The following CTDP1 variants were observed in gnomAD, a reference collection of about 807,000 sequenced individuals.
CTDP1 encodes RNA polymerase II subunit A C-terminal domain phosphatase.
CTDP1 carries 47 observed loss-of-function variants against 91.8 expected under a neutral mutation model. The observed-to-expected ratio is 0.51, with a 90% confidence interval of 0.41 to 0.65. The LOEUF is 0.65. Among genes scored for constraint, CTDP1 ranks in the 30% least tolerant of loss-of-function variants. The probability of loss-of-function intolerance (pLI) is 0.00; values close to 1 mark genes in which losing one functional copy is unlikely to be tolerated. For synonymous variants in CTDP1, 656 were observed against 598.5 expected (o/e 1.10, Z -1.40); for missense variants, 1,272 against 1,373.7 (o/e 0.93, Z 1.17).
intron 4 of CTDP1, among the ~76,000 whole-genome samples, chr18:79,699,771 G>A (rs150919753): frequency 4.2e-4 from 64 of 152,300 alleles, no homozygotes; most frequent in African/African-American, 1.5e-3. Context: ...TTCACAGGGA[G>A]GAGGCTCGGA....
At chr18:79,753,539 T>C (rs1474605064) in intron 12 of CTDP1, 113 bp from the exon 13 acceptor site, 5 of 1,528,490 alleles carry the variant, frequency 3.3e-6, no homozygotes, top group Non-Finnish European at 4.5e-6. Context: ...GACCAGAGAA[T>C]TGTGCCGTCT....
At chr18:79,729,131 G>C in intron 11 of CTDP1, 62 bp downstream of exon 11, 3 of 1,602,496 alleles carry the variant, frequency 1.9e-6, no homozygotes, top group Non-Finnish European at 2.6e-6. Context: ...CAGAGCTCTG[G>C]TGTGCGGGCG....
At chr18:79,736,332 G>A (rs765602203) in intron 11 of CTDP1, 23 bp from the exon 12 acceptor site, 42 of 1,548,770 alleles carry the variant, frequency 2.7e-5, no homozygotes, top group Admixed American at 1.4e-4. Flanking sequence ...GAGGTCTGTC[G>A]CTGACTCTTG....
chr18:79,717,110 C>T (rs1055336833), intron 8 of CTDP1, among the ~76,000 whole-genome samples: 1 of 150,494 alleles, frequency 6.6e-6, no homozygotes, highest in Non-Finnish European at 1.5e-5. Flanking sequence ...CGAGTGAGGG[C>T]CCTGAGCCCT....
chr18:79,705,063 T>C (rs1435661300), intron 5 of CTDP1, 146 bp downstream of exon 5: 5 of 1,320,054 alleles, frequency 3.8e-6, no homozygotes, highest in Non-Finnish European at 5.2e-6. Context: ...CAGGGGGTTG[T>C]GAGAGGTAAG....
rs1042416633 is a variant in CTDP1 at position 79,736,490 on chromosome 18, G to A, written c.2716G>A (p.Glu906Lys). 18 of 1,547,528 alleles carry A rather than the reference G, an allele frequency of 1.2e-5. No homozygotes were observed. Among genetic ancestry groups the A allele is most frequent in the Middle Eastern group, 2.3e-4 (1 of 4,360 alleles). ...GACGCTCGGGGCACCTGCGTCCAGC[G>A]AGAGGAGCGCGGCAGGGGGCCGGGG... ...ERTLGAPASS[E>K]RSAAGGRGPR... is the part of the protein sequence containing the mutation. The change falls in exon 12 of 13, where the codon GAG becomes AAG. Residue 906 changes from glutamate (E) to lysine (K), a missense_variant. Transcript: ENST00000613122.
rs750408462 is a variant in CTDP1 at position 79,697,841 on chromosome 18, T to C, written c.493-19T>C. The stretch of plus-strand genomic sequence containing the variant: ...CAAACATACTGACTTTGTCATTTCT[T>C]GTTTCTTTTTAATTGTAGCAAGCTG... On this transcript the variant is annotated intron_variant, in intron 3 of 12. Transcript: ENST00000613122. 2 of 1,614,138 alleles carry C rather than the reference T, an allele frequency of 1.2e-6. No individual in the cohort carries two copies. Among genetic ancestry groups the C allele is most frequent in the Admixed American group, 1.7e-5 (1 of 60,020 alleles).
At chr18:79,683,379 A>G (rs2085415154) in intron 1 of CTDP1, among the ~76,000 whole-genome samples, 1 of 152,234 alleles carries the variant, frequency 6.6e-6, no homozygotes, top group Admixed American at 6.5e-5. Flanking sequence ...ACTTGTATAG[A>G]CAAGCATGGG....
At chr18:79,710,242 T>C in intron 5 of CTDP1, 104 bp from the exon 6 acceptor site, 3 of 899,372 alleles carry the variant, frequency 3.3e-6, no homozygotes, top group Non-Finnish European at 5.6e-6. Flanking sequence ...GTTCATCATG[T>C]TGTGTGTCTG....
At chr18:79,705,122 G>C (rs1305126651) in intron 5 of CTDP1, among the ~76,000 whole-genome samples, 1 of 152,176 alleles carries the variant, frequency 6.6e-6, no homozygotes, top group Admixed American at 6.5e-5. Flanking sequence ...TGCTCTGGCC[G>C]GGTGCGGTAC....
intron 12 of CTDP1, among the ~76,000 whole-genome samples, chr18:79,743,871 G>C (rs1378766543): frequency 6.6e-6 from 1 of 152,210 alleles, no homozygotes; most frequent in Non-Finnish European, 1.5e-5. Flanking sequence ...CCACCATCAT[G>C]AAACTGAAGG....
intron 12 of CTDP1, among the ~76,000 whole-genome samples, chr18:79,738,806 A>G (rs764424395): frequency 1.3e-5 from 2 of 152,168 alleles, no homozygotes; most frequent in Non-Finnish European, 2.9e-5. Context: ...TCTCCTGGCA[A>G]CCCACTCTGT....
intron 10 of CTDP1, among the ~76,000 whole-genome samples, chr18:79,721,987 C>G (rs2086353900): frequency 6.6e-6 from 1 of 152,132 alleles, no homozygotes; most frequent in Non-Finnish European, 1.5e-5. Context: ...CCACGCCTGG[C>G]TAATCTGTGT....
At chr18:79,723,490 GTTTT>G (rs2086386862) in intron 10 of CTDP1, among the ~76,000 whole-genome samples, 1 of 152,190 alleles carries the variant, frequency 6.6e-6, no homozygotes. Context: ...AACGTTGTAC[GTTTT>G]TTCTAATTCT....
intron 12 of CTDP1, among the ~76,000 whole-genome samples, chr18:79,741,934 T>C (rs2086786149): frequency 6.6e-6 from 1 of 152,136 alleles, no homozygotes; most frequent in African/African-American, 2.4e-5. Flanking sequence ...CCAAATGTAA[T>C]GGAAAACATT....
intron 5 of CTDP1, among the ~76,000 whole-genome samples, chr18:79,708,919 A>G (rs1194636780): frequency 6.6e-6 from 1 of 152,246 alleles, no homozygotes; most frequent in African/African-American, 2.4e-5. Flanking sequence ...ATTCCAAGTA[A>G]TGTTAAACTC....
At position 79,695,274 on chromosome 18, in the gene CTDP1, G is replaced by A. The variant is rs1296357446; in HGVS notation, c.364G>A (p.Gly122Ser). 2 of 1,614,178 alleles carry A rather than the reference G, an allele frequency of 1.2e-6. No individual in the cohort carries two copies. Among genetic ancestry groups the A allele is most frequent in the Admixed American group, 3.3e-5 (2 of 60,018 alleles). ...EGCSHPVVMK[G>S]LCAECGQDLT... Reference sequence around the variant, plus strand: ...ATGCAGCCACCCGGTTGTCATGAAAGGCCTGTGTGCTGAATGTGGCCAAGA... The same window carrying A: ...ATGCAGCCACCCGGTTGTCATGAAAAGCCTGTGTGCTGAATGTGGCCAAGA... Residue 122 changes from glycine to serine, a missense_variant, in exon 2 of 13, where the codon GGC becomes AGC. Physicochemically the swap from Gly to Ser is moderately conservative, Grantham distance 56. Coordinates refer to ENST00000613122, the MANE Select transcript of CTDP1 (RefSeq NM_004715.5).
intron 12 of CTDP1, among the ~76,000 whole-genome samples, chr18:79,738,031 C>T: frequency 6.7e-6 from 1 of 148,300 alleles, no homozygotes; most frequent in African/African-American, 2.6e-5. Context: ...CCTCCCCCCG[C>T]CCGCCCTGCT....
chr18:79,695,296 A>G lies in CTDP1; in HGVS notation c.386A>G (p.Gln129Arg), dbSNP rs1312892200. ...AAAGGCCTGTGTGCTGAATGTGGCCAAGACCTCACCCAGTAAGTATCCGGA... is the reference window on the plus strand; with the variant it reads ...AAAGGCCTGTGTGCTGAATGTGGCCGAGACCTCACCCAGTAAGTATCCGGA... Reference protein sequence around the residue: ...VMKGLCAECGQDLTQLQSKNG... With the variant: ...VMKGLCAECGRDLTQLQSKNG... Residue 129 changes from glutamine to arginine, a missense_variant, in exon 2 of 13, where the codon CAA (glutamine) becomes CGA (arginine). Gln to Arg is a conservative substitution (Grantham distance 43). Transcript: ENST00000613122. The G allele has an allele frequency of 6.2e-7, 1 of 1,614,150 alleles. No individual in the cohort carries two copies. Among genetic ancestry groups the G allele is most frequent in the Admixed American group, 1.7e-5 (1 of 60,012 alleles).
Sources: allele counts gnomAD v4.1 joint callset (sites outside exome capture counted in the v4.1 genomes callset), GRCh38; gene constraint gnomAD v4.1.1; transcripts MANE v1.5; gene names NCBI Gene and HGNC (gene_info 2026-07-23, HGNC 2026-07-21).